The following ZC3H13 variants were observed in gnomAD, a reference collection of about 807,000 sequenced individuals.
The protein encoded by ZC3H13 is zinc finger CCCH domain-containing protein 13.
A neutral mutation model predicts 204.1 loss-of-function variants in ZC3H13; 64 were observed. The ratio of observed to expected loss-of-function variants is 0.31; its 90% CI spans 0.26 to 0.39. ZC3H13 has a LOEUF of 0.39. Among genes scored for constraint, ZC3H13 ranks in the 10% least tolerant of loss-of-function variants. ZC3H13 has a pLI of 1.00. For synonymous variants in ZC3H13, 667 were observed against 693.7 expected, an observed-to-expected ratio of 0.96 and a Z score of 0.60; for missense variants, 1,833 against 2,082.7, an observed-to-expected ratio of 0.88 and a Z score of 2.33.
intron 15 of ZC3H13, among the ~76,000 whole-genome samples, chr13:45,966,661 T>C (rs1029211785): frequency 5.9e-5 from 9 of 152,190 alleles, no homozygotes; most frequent in African/African-American, 1.4e-4. Flanking sequence ...CCCAGGGTTG[T>C]ACCTCCATCA....
intron 8 of ZC3H13, among the ~76,000 whole-genome samples, chr13:45,995,873 C>T (rs773126775): frequency 2.0e-5 from 3 of 152,240 alleles, no homozygotes; most frequent in Non-Finnish European, 4.4e-5. Context: ...GATCCAACTA[C>T]TATCAAGTAA....
At chr13:46,044,686 TA>T (rs1046743277) in intron 3 of ZC3H13, among the ~76,000 whole-genome samples, 9 of 152,046 alleles carry the variant, frequency 5.9e-5, no homozygotes, top group South Asian at 2.1e-4. Context: ...AATACATAAT[TA>T]GGGGGGAAAA....
chr13:45,999,141 G>A (rs371680394), intron 8 of ZC3H13, among the ~76,000 whole-genome samples: 1 of 152,172 alleles, frequency 6.6e-6, no homozygotes, highest in Non-Finnish European at 1.5e-5. Flanking sequence ...TTGGGAGGGT[G>A]AGGTGGGAGG....
At chr13:45,984,335 T>C (rs528924293) in intron 10 of ZC3H13, among the ~76,000 whole-genome samples, 2 of 152,274 alleles carry the variant, frequency 1.3e-5, no homozygotes, top group East Asian at 3.9e-4. Context: ...TCACTATATA[T>C]CCTTTTATAC....
At chr13:46,050,720 C>G (rs991814848) in intron 1 of ZC3H13, among the ~76,000 whole-genome samples, 1 of 152,086 alleles carries the variant, frequency 6.6e-6, no homozygotes, top group African/African-American at 2.4e-5. Flanking sequence ...AATGCTAAAA[C>G]AATTCCAAAC....
intron 6 of ZC3H13, among the ~76,000 whole-genome samples, chr13:46,010,800 G>A (rs1156973729): frequency 1.3e-5 from 2 of 151,768 alleles, no homozygotes; most frequent in African/African-American, 4.8e-5. Context: ...GCTGAGATGG[G>A]AGGATCCCTT....
In ZC3H13 at chr13:45,970,482, A is replaced by T; in HGVS notation, c.2469-17T>A. The T allele has an allele frequency of 2.5e-6, 4 of 1,603,090 alleles. No individual in the cohort carries two copies. Among genetic ancestry groups the T allele is most frequent in the Non-Finnish European group, 3.4e-6 (4 of 1,174,618 alleles). ...TAGCGCTTCCTAAATTGGACAAGCAAACACAATTTATAAAATTCTAGGGGG... is the reference window on the plus strand; with the variant it reads ...TAGCGCTTCCTAAATTGGACAAGCATACACAATTTATAAAATTCTAGGGGG... On this transcript the variant is annotated splice_polypyrimidine_tract_variant and intron_variant, in intron 12 of 18. Transcript: ENST00000679008.
chr13:46,026,747 C>T (rs1049611626), intron 4 of ZC3H13, among the ~76,000 whole-genome samples: 7 of 151,972 alleles, frequency 4.6e-5, no homozygotes, highest in African/African-American at 1.4e-4. Flanking sequence ...GAGAACTTCC[C>T]GAAAATAACT....
chr13:46,003,910 AG>A (rs1485892409), intron 7 of ZC3H13, among the ~76,000 whole-genome samples: 1 of 152,174 alleles, frequency 6.6e-6, no homozygotes, highest in African/African-American at 2.4e-5. Flanking sequence ...ATAGAAGAAA[AG>A]CTTCATGACA....
chr13:45,957,449 G>C (rs188826055), intron 18 of ZC3H13, among the ~76,000 whole-genome samples, 152 bp from the exon 19 acceptor site: 76 of 152,302 alleles, frequency 5.0e-4, no homozygotes, highest in African/African-American at 1.8e-3. Context: ...AGCAAAATTA[G>C]AAAATGTGTT....
chr13:46,001,549 A>G (rs190278499), intron 8 of ZC3H13: 2 of 152,362 alleles, frequency 1.3e-5, no homozygotes, highest in African/African-American at 4.8e-5. Flanking sequence ...TCCTATGCAT[A>G]CCATTTAGGG....
chr13:46,037,487 G>C (rs2043283731), intron 4 of ZC3H13, among the ~76,000 whole-genome samples: 2 of 152,080 alleles, frequency 1.3e-5, no homozygotes, highest in African/African-American at 4.8e-5. Flanking sequence ...CTATATTTAG[G>C]GGTCTAATTT....
chr13:45,975,697 C>T lies in ZC3H13; in HGVS notation c.2054G>A (p.Arg685Gln), dbSNP rs372572635. ...CCTCTCTCTCTCCCGCTCCCTGTCT[C>T]GTTCTCGTTCCCGATCTCTCTCTCT... ...RARERDRERE[R>Q]DRERERERER... is the part of the protein sequence containing the mutation. The change falls in exon 12 of 19, where the codon CGA becomes CAA. Residue 685 changes from arginine (R) to glutamine (Q), a missense_variant. Arg to Gln is a conservative substitution (Grantham distance 43, BLOSUM62 1). Transcript: ENST00000679008. 16 of 1,613,412 alleles carry T rather than the reference C, an allele frequency of 9.9e-6. No homozygotes were observed. Among genetic ancestry groups the T allele is most frequent in the Admixed American group, 1.7e-5 (1 of 59,884 alleles).
At chr13:46,035,635 T>C (rs529850923) in intron 4 of ZC3H13, among the ~76,000 whole-genome samples, 5 of 152,354 alleles carry the variant, frequency 3.3e-5, no homozygotes, top group African/African-American at 9.6e-5. Flanking sequence ...ATTTGATCTA[T>C]TTACCCCTAC....
At position 46,039,715 on chromosome 13, in the gene ZC3H13, G is replaced by A. The variant is rs114300107; in HGVS notation, c.339+2449C>T. The stretch of plus-strand genomic sequence containing the variant: ...ACAAATAAACTGTATTAAAAACAAA[G>A]ATAATAAGTACTCAGAACTCATAGT... On this transcript the variant is annotated intron_variant, in intron 4 of 18. Transcript: ENST00000679008. Among the ~76,000 whole-genome samples, 1,132 of 152,224 alleles carry A rather than the reference G, an allele frequency of 7.4e-3. 12 individuals are homozygous for A. The highest frequency in any genetic ancestry group is 0.025 in the African/African-American group (1,050 of 41,536).
chr13:45,964,426 C>T (rs528630850), intron 16 of ZC3H13, among the ~76,000 whole-genome samples: 1 of 152,268 alleles, frequency 6.6e-6, no homozygotes, highest in South Asian at 2.1e-4. Context: ...TGCACACATA[C>T]ATTTTAATTT....
intron 1 of ZC3H13, chr13:46,051,958 C>T (rs2044462924): frequency 6.8e-6 from 1 of 148,046 alleles, no homozygotes. Flanking sequence ...TAAAGTAGCA[C>T]TCAATTCCCA....
In ZC3H13 at chr13:46,052,446, A is replaced by G. The variant is rs1593869137; in HGVS notation, c.-52T>C. On this transcript the variant is annotated 5_prime_UTR_variant, in exon 1 of 19. Coordinates refer to ENST00000679008, the MANE Select transcript of ZC3H13 (RefSeq NM_001330564.2). ...TTCGCAAGTGCAGTCCGGAGGCACC[A>G]CCGCCGCCGCCGCTCCGAGGAGCGG... The G allele has an allele frequency of 1.0e-5, 4 of 397,812 alleles. No individual in the cohort carries two copies. Among genetic ancestry groups the G allele is most frequent in the African/African-American group, 6.2e-5 (3 of 48,486 alleles). The allele number at this position is 397,812 out of a possible 1,614,324, so 24.6% of individuals were successfully genotyped here. A position where few individuals can be genotyped will look rare whatever the true frequency, so the allele number is the denominator to read the frequency against.
chr13:45,970,218 GTCACAAAAGGAGATA>G, intron 13 of ZC3H13, 129 bp downstream of exon 13: 1 of 919,076 alleles, frequency 1.1e-6, no homozygotes, highest in South Asian at 1.8e-5. Flanking sequence ...ACATACTTTA[GTCACAAAAGGAGATA>G]TTTAGAGGCA....
Sources: gnomAD v4.1 joint callset for allele counts (sites outside exome capture counted in the v4.1 genomes callset) on GRCh38, gnomAD v4.1.1 for gene constraint, MANE v1.5 for transcripts, NCBI Gene and HGNC (gene_info 2026-07-23, HGNC 2026-07-21) for gene names.